REST: variants seen among roughly 807,000 people sequenced by gnomAD.
REST encodes the protein RE1-silencing transcription factor.
A neutral mutation model predicts 30.4 loss-of-function variants in REST; 1 was observed. That is an observed-to-expected ratio of 0.03 (90% CI 0.01 to 0.16). The LOEUF is 0.16. Ranked by LOEUF, REST falls within the 10% of genes least tolerant of loss-of-function variation. REST has a pLI of 1.00. For missense variants in REST, 1,259 were observed against 1,329.5 expected (o/e 0.95, Z 0.82); for synonymous variants, 504 against 451.1 (o/e 1.12, Z -1.49).
intron 1 of REST, among the ~76,000 whole-genome samples, chr4:56,908,688 GCCGGGCGGGTTGAGTCAGCCCCGGGGC>G (rs1719738551): frequency 6.6e-6 from 1 of 152,112 alleles, no homozygotes; most frequent in African/African-American, 2.4e-5. Flanking sequence ...GTTGAGTGCG[GCCGGGCGGGTTGAGTCAGCCCCGGGGC>G]CCGGGCGGTT....
chr4:56,930,809 C>T lies in REST; in HGVS notation c.1951C>T (p.Pro651Ser). The T allele has an allele frequency of 1.2e-6, 2 of 1,608,388 alleles. No individual in the cohort carries two copies. The highest frequency in any genetic ancestry group is 1.1e-5 in the South Asian group (1 of 90,546). ...CCAGATACGGCCTGCTCCTGACGAG[C>T]CTGTTCAGATGGAGGTGGTTCAGGA... is the stretch of plus-strand genomic sequence containing the variant. Reference protein sequence around the residue: ...GAQIRPAPDEPVQMEVVQEGP... With the variant: ...GAQIRPAPDESVQMEVVQEGP... The change falls in exon 4 of 4, where the codon CCT (proline) becomes TCT (serine). Residue 651 changes from proline to serine, a missense_variant. Pro to Ser is a moderately conservative substitution (Grantham distance 74, BLOSUM62 -1). Around this residue, in one of 5 missense-constraint regions of REST, gnomAD observed 856 missense variants for 772.8 expected, o/e 1.11. Coordinates refer to ENST00000309042, the MANE Select transcript of REST (RefSeq NM_005612.5).
intron 3 of REST, among the ~76,000 whole-genome samples, chr4:56,926,113 G>T (rs1720698088): frequency 6.6e-6 from 1 of 152,140 alleles, no homozygotes; most frequent in Non-Finnish European, 1.5e-5. Context: ...AGGCTGGAGT[G>T]CAATGGCACG....
At position 56,931,737 on chromosome 4, in the gene REST, C is replaced by G; in HGVS notation, c.2879C>G (p.Thr960Ser). The change falls in exon 4 of 4, where the codon ACT becomes AGT. Residue 960 changes from threonine to serine, a missense_variant. Physicochemically the swap from Thr to Ser is moderately conservative, Grantham distance 58. Around this residue, in one of 5 missense-constraint regions of REST, gnomAD observed 856 missense variants for 772.8 expected, o/e 1.11. Coordinates refer to ENST00000309042, the MANE Select transcript of REST (RefSeq NM_005612.5). ...GATCAGAACACAAGAGAGAATCTCACTGGTATAAATTCAACAGTTGAAGAA... is the reference window on the plus strand; with the variant it reads ...GATCAGAACACAAGAGAGAATCTCAGTGGTATAAATTCAACAGTTGAAGAA... ...DTDQNTRENL[T>S]GINSTVEEPV... 1 of 1,614,216 alleles carries G rather than the reference C, an allele frequency of 6.2e-7. No individual in the cohort carries two copies.
chr4:56,922,975 A>G (rs142813395), intron 3 of REST, among the ~76,000 whole-genome samples: 17 of 152,276 alleles, frequency 1.1e-4, no homozygotes, highest in Non-Finnish European at 2.4e-4. Context: ...TTGTCTTGTC[A>G]CTGTTTAAAT....
intron 2 of REST, among the ~76,000 whole-genome samples, chr4:56,915,424 A>T (rs1393654456): frequency 1.3e-5 from 2 of 150,928 alleles, no homozygotes; most frequent in Non-Finnish European, 3.0e-5. Flanking sequence ...TTTTTAAAAA[A>T]TTTTTAGTAG....
intron 2 of REST, among the ~76,000 whole-genome samples, chr4:56,918,322 T>A (rs1275365612): frequency 2.8e-5 from 4 of 143,702 alleles, no homozygotes; most frequent in Non-Finnish European, 4.5e-5. Flanking sequence ...CAAAACCTGG[T>A]CTCTACCCAA....
chr4:56,915,484 G>C (rs1415914691), intron 2 of REST, among the ~76,000 whole-genome samples: 1 of 151,956 alleles, frequency 6.6e-6, no homozygotes, highest in Non-Finnish European at 1.5e-5. Flanking sequence ...TCCTGACCTT[G>C]TGATCAGCTG....
Position 56,931,184 on chromosome 4 carries a change from C to T in REST, c.2326C>T (p.Pro776Ser), listed in dbSNP as rs61748756. ...TCCCATAGAGGTGGTCCAGAAGGAG[C>T]CTGTTCAGATGGAGTTGTCTCCTCC... is the stretch of plus-strand genomic sequence containing the variant. ...SPPIEVVQKE[P>S]VQMELSPPMG... The change falls in exon 4 of 4, where the codon CCT (proline) becomes TCT (serine). Residue 776 changes from proline (P) to serine (S), a missense_variant. By Grantham distance (74) the Pro-to-Ser change is moderately conservative. This residue lies in a region of REST where 856 missense variants were observed against 772.8 expected (regional missense o/e 1.11). Coordinates refer to ENST00000309042, the MANE Select transcript of REST (RefSeq NM_005612.5). 2 of 1,614,048 alleles carry T rather than the reference C, an allele frequency of 1.2e-6. No individual in the cohort carries two copies. Among genetic ancestry groups the T allele is most frequent in the East Asian group, 2.2e-5 (1 of 44,866 alleles).
intron 1 of REST, 108 bp from the exon 2 acceptor site, chr4:56,910,522 A>T: frequency 1.1e-6 from 1 of 902,808 alleles, no homozygotes; most frequent in South Asian, 1.9e-5. Flanking sequence ...AGTTATAAAG[A>T]TCATACTGGA....
In REST at chr4:56,931,782, C is replaced by G; in HGVS notation, c.2924C>G (p.Pro975Arg). The G allele has an allele frequency of 6.2e-7, 1 of 1,614,200 alleles. No homozygotes were observed. The highest frequency in any genetic ancestry group is 8.5e-7 in the Non-Finnish European group (1 of 1,180,030). The change falls in exon 4 of 4, where the codon CCC becomes CGC. Residue 975 changes from proline to arginine, a missense_variant. Around this residue, in one of 5 missense-constraint regions of REST, gnomAD observed 856 missense variants for 772.8 expected, o/e 1.11. Coordinates refer to ENST00000309042, the MANE Select transcript of REST (RefSeq NM_005612.5). ...TVEEPVSPMLPPSAVEEREAV... is the reference protein window; with the variant it reads ...TVEEPVSPMLRPSAVEEREAV... The stretch of plus-strand genomic sequence containing the variant: ...GAAGAACCAGTTTCACCAATGCTTC[C>G]CCCTTCAGCAGTAGAAGAACGTGAA...
chr4:56,920,155 T>C (rs1175417062), intron 3 of REST, among the ~76,000 whole-genome samples: 1 of 152,016 alleles, frequency 6.6e-6, no homozygotes, highest in African/African-American at 2.4e-5. Context: ...GTTAAACTAA[T>C]GTAGACCAAG....
intron 3 of REST, among the ~76,000 whole-genome samples, chr4:56,927,325 A>C (rs117839748): frequency 2.6e-5 from 4 of 152,296 alleles, no homozygotes; most frequent in African/African-American, 9.6e-5. Flanking sequence ...GTATAGAGTA[A>C]TGTAGCATGT....
At chr4:56,911,646 A>G (rs1719919324) in intron 2 of REST, 110 bp downstream of exon 2, 2 of 909,168 alleles carry the variant, frequency 2.2e-6, no homozygotes, top group East Asian at 4.9e-5. Flanking sequence ...TCCAGGTTCC[A>G]TTTTGCTATC....
At chr4:56,923,238 A>G (rs1315385243) in intron 3 of REST, among the ~76,000 whole-genome samples, 1 of 152,212 alleles carries the variant, frequency 6.6e-6, no homozygotes, top group Non-Finnish European at 1.5e-5. Flanking sequence ...TTCAGATTAC[A>G]TATTATAGGA....
At chr4:56,916,705 AGTG>A (rs1185238847) in intron 2 of REST, among the ~76,000 whole-genome samples, 2 of 152,212 alleles carry the variant, frequency 1.3e-5, no homozygotes, top group African/African-American at 4.8e-5. Flanking sequence ...GTTTATCTGC[AGTG>A]GTATTTAATT....
At chr4:56,927,674 C>T in intron 3 of REST, 1 of 1,224,754 alleles carries the variant, frequency 8.2e-7, no homozygotes, top group South Asian at 1.3e-5. Flanking sequence ...GGTATGTATT[C>T]AGGTAGAATG....
Position 56,931,570 on chromosome 4 carries a change from G to A in REST, c.2712G>A (p.Glu904=). 6.2e-7 allele frequency: 1 copy of A among 1,614,236 alleles called. No homozygotes were observed. Residue 904 remains glutamate (E), a synonymous_variant, in exon 4 of 4, where the codon GAG becomes GAA. Coordinates refer to ENST00000309042, the MANE Select transcript of REST (RefSeq NM_005612.5). ...AAGTAGGAGCAGAAGAGGCAGATGA[G>A]AGCCTACCTGGTCTTGCTGCTAATA... ...LQKVGAEEAD[E]SLPGLAANIN...
At chr4:56,922,388 A>G (rs1356564823) in intron 3 of REST, 1 of 150,054 alleles carries the variant, frequency 6.7e-6, no homozygotes, top group Admixed American at 6.7e-5. Context: ...ATCGCAGCTC[A>G]CTGCAACCTC....
chr4:56,916,993 A>G (rs1720229175), intron 2 of REST, among the ~76,000 whole-genome samples: 1 of 151,974 alleles, frequency 6.6e-6, no homozygotes, highest in African/African-American at 2.4e-5. Context: ...TGAGGGTTCC[A>G]ATTTCAGCAC....
Sources: allele counts gnomAD v4.1 joint callset (sites outside exome capture counted in the v4.1 genomes callset), GRCh38; gene constraint gnomAD v4.1.1; regional missense constraint gnomAD v4.1.1; transcripts MANE v1.5; gene names NCBI Gene and HGNC (gene_info 2026-07-23, HGNC 2026-07-21).